Variants in MDGA2 observed in about 807,000 individuals in gnomAD.
MDGA2 encodes the protein MAM domain containing glycosylphosphatidylinositol anchor 2.
MDGA2 carries 40 observed loss-of-function variants against 117.8 expected under a neutral mutation model. The observed-to-expected ratio is 0.34, with a 90% CI of 0.26 to 0.44. MDGA2 has a LOEUF of 0.44. MDGA2 is among the 20% of genes least tolerant of loss of function. The probability of loss-of-function intolerance (pLI) is 1.00; values close to 1 mark genes in which losing one functional copy is unlikely to be tolerated. For synonymous variants in MDGA2, 452 were observed against 439.0 expected, an observed-to-expected ratio of 1.03 and a Z score of -0.37; for missense variants, 1,123 against 1,250.6, an observed-to-expected ratio of 0.90 and a Z score of 1.54.
intron 2 of MDGA2, among the ~76,000 whole-genome samples, chr14:47,256,538 A>G (rs1422624877): frequency 6.6e-6 from 1 of 152,150 alleles, no homozygotes; most frequent in Non-Finnish European, 1.5e-5. Flanking sequence ...TTCCAAACAC[A>G]GCATGCACGG....
chr14:47,135,341 A>G (rs1882400542), intron 4 of MDGA2, among the ~76,000 whole-genome samples: 1 of 152,166 alleles, frequency 6.6e-6, no homozygotes, highest in African/African-American at 2.4e-5. Flanking sequence ...GGTTCCAATG[A>G]GCACTAATGT....
At chr14:47,274,665 G>A (rs1442353840) in intron 2 of MDGA2, among the ~76,000 whole-genome samples, 1 of 152,064 alleles carries the variant, frequency 6.6e-6, no homozygotes, top group Non-Finnish European at 1.5e-5. Context: ...GTTCTTCAAG[G>A]TGGCTGCATC....
At chr14:47,191,000 AAT>A (rs1430278467) in intron 3 of MDGA2, among the ~76,000 whole-genome samples, 22 of 152,158 alleles carry the variant, frequency 1.4e-4, no homozygotes, top group African/African-American at 5.1e-4. Flanking sequence ...ACTATTTGAA[AAT>A]ATCAAGTTGA....
intron 9 of MDGA2, among the ~76,000 whole-genome samples, chr14:46,925,886 C>A (rs1884314436): frequency 6.6e-6 from 1 of 152,040 alleles, no homozygotes. Context: ...AGAAATAAAG[C>A]ATGTCCTTAG....
intron 2 of MDGA2, among the ~76,000 whole-genome samples, chr14:47,263,558 G>A (rs1887869846): frequency 6.6e-6 from 1 of 152,046 alleles, no homozygotes; most frequent in African/African-American, 2.4e-5. Flanking sequence ...AACTGATGAT[G>A]TTCTTTATTT....
intron 7 of MDGA2, among the ~76,000 whole-genome samples, chr14:47,054,999 T>C (rs1050065211): frequency 1.4e-5 from 1 of 73,006 alleles, no homozygotes; most frequent in African/African-American, 5.6e-5. Context: ...TTTTTTTTCT[T>C]TTCTTTTTTT....
intron 2 of MDGA2, among the ~76,000 whole-genome samples, chr14:47,234,405 T>A (rs1281399106): frequency 6.6e-6 from 1 of 151,990 alleles, no homozygotes; most frequent in African/African-American, 2.4e-5. Context: ...GAAATTTTGG[T>A]TTATCATAGC....
intron 1 of MDGA2, among the ~76,000 whole-genome samples, chr14:47,460,421 A>C (rs983942277): frequency 2.6e-5 from 4 of 152,178 alleles, no homozygotes; most frequent in African/African-American, 9.6e-5. Flanking sequence ...ACTGTATTAC[A>C]ACATTTACAA....
chr14:47,016,734 A>G (rs905572925), intron 8 of MDGA2, among the ~76,000 whole-genome samples: 11 of 152,038 alleles, frequency 7.2e-5, no homozygotes, highest in African/African-American at 2.2e-4. Flanking sequence ...TATGTTTTAA[A>G]GCAAAGTTTA....
chr14:47,654,459 G>A (rs926416182), intron 1 of MDGA2, among the ~76,000 whole-genome samples: 2 of 151,954 alleles, frequency 1.3e-5, no homozygotes, highest in African/African-American at 2.4e-5. Flanking sequence ...AATAACTAAC[G>A]GTAAGTCACA....
At chr14:47,263,252 G>A (rs879899843) in intron 2 of MDGA2, among the ~76,000 whole-genome samples, 1 of 152,002 alleles carries the variant, frequency 6.6e-6, no homozygotes, top group Non-Finnish European at 1.5e-5. Context: ...TAAGAACGTG[G>A]ATTTAGTTAG....
rs200855044 is a variant in MDGA2, at chr14:46,906,593, G to A, written c.2238+13419C>T. ...GGTAAGATTTCACTATTCTATCACT[G>A]ATATAAATTAGAGTATATATTTACT... On this transcript the variant is annotated intron_variant, in intron 10 of 16. Coordinates refer to ENST00000399232, the MANE Select transcript of MDGA2 (RefSeq NM_001113498.3). Among the ~76,000 whole-genome samples, 4 of 152,166 alleles carry A rather than the reference G, an allele frequency of 2.6e-5. No homozygotes were observed. The East Asian group carries it at 7.7e-4, about 29-fold the overall frequency.
chr14:47,528,415 T>C (rs1242395455), intron 1 of MDGA2, among the ~76,000 whole-genome samples: 2 of 152,252 alleles, frequency 1.3e-5, no homozygotes, highest in East Asian at 3.9e-4. Flanking sequence ...ACAGTCATCA[T>C]ACATATTGAT....
At chr14:47,311,532 G>A (rs1359548768) in intron 1 of MDGA2, among the ~76,000 whole-genome samples, 1 of 152,120 alleles carries the variant, frequency 6.6e-6, no homozygotes, top group Non-Finnish European at 1.5e-5. Flanking sequence ...AGAGATCAGT[G>A]AGATAATGGA....
chr14:47,108,591 AC>A (rs1477036670), intron 5 of MDGA2, among the ~76,000 whole-genome samples: 4 of 151,820 alleles, frequency 2.6e-5, no homozygotes, highest in Admixed American at 2.0e-4. Flanking sequence ...CAGAGAACAA[AC>A]CCCCTTTGAC....
At chr14:47,661,488 G>A (rs1334196985) in intron 1 of MDGA2, among the ~76,000 whole-genome samples, 2 of 152,138 alleles carry the variant, frequency 1.3e-5, no homozygotes, top group African/African-American at 4.8e-5. Context: ...AGTTTTGTTT[G>A]TGCATGTATT....
intron 1 of MDGA2, among the ~76,000 whole-genome samples, chr14:47,561,164 T>TTTTTTTTTTG (rs1895802840): frequency 1.1e-5 from 1 of 89,946 alleles, no homozygotes; most frequent in African/African-American, 3.4e-5. Flanking sequence ...TTTTGTTTTG[T>TTTTTTTTTTG]TTTTTTGTTT....
At chr14:47,454,815 T>C (rs1191981189) in intron 1 of MDGA2, among the ~76,000 whole-genome samples, 1 of 152,136 alleles carries the variant, frequency 6.6e-6, no homozygotes, top group African/African-American at 2.4e-5. Context: ...GAATCCATTC[T>C]TTTGAGTGAG....
intron 2 of MDGA2, among the ~76,000 whole-genome samples, chr14:47,269,084 T>C (rs1190033976): frequency 6.6e-6 from 1 of 152,130 alleles, no homozygotes; most frequent in African/African-American, 2.4e-5. Flanking sequence ...ATGGTAGGAC[T>C]TGGCATTTAA....
Sources: gnomAD v4.1 joint callset for allele counts (sites outside exome capture counted in the v4.1 genomes callset) on GRCh38, gnomAD v4.1.1 for gene constraint, MANE v1.5 for transcripts, NCBI Gene and HGNC (gene_info 2026-07-23, HGNC 2026-07-21) for gene names.